The following UBR4 variants were observed in gnomAD, a reference collection of about 807,000 sequenced individuals.
The protein encoded by UBR4 is E3 ubiquitin-protein ligase UBR4.
Under a neutral mutation model 575.6 loss-of-function variants are expected in UBR4, and 124 were observed. The ratio of observed to expected loss-of-function variants is 0.22; its 90% CI spans 0.19 to 0.25. The LOEUF (loss-of-function observed/expected upper bound fraction) is 0.25, where lower values mean the gene tolerates loss of function less well. Ranked by LOEUF, UBR4 falls within the 10% of genes least tolerant of loss-of-function variation. The pLI is 1.00. For missense variants in UBR4, 4,818 were observed against 6,478.8 expected, an observed-to-expected ratio of 0.74 and a Z score of 8.80; for synonymous variants, 2,455 against 2,473.7, an observed-to-expected ratio of 0.99 and a Z score of 0.22.
rs1345810251 is a variant in UBR4, at chr1:19,169,587, A to G, written c.3644-55T>C. The stretch of plus-strand genomic sequence containing the variant: ...TCACAAGAAAGAAGGAACGACACAG[A>G]GCATTTTAAAAGCCAAGCCCAAATG... On this transcript the variant is annotated intron_variant, in intron 26 of 105. Transcript: ENST00000375254. The G allele has an allele frequency of 1.1e-5, 17 of 1,512,316 alleles. No homozygotes were observed. In the Admixed American group the frequency reaches 2.0e-4, roughly 17 times the overall value. 93.7% of individuals were successfully genotyped at this position (1,512,316 alleles called of 1,614,324 possible).
At chr1:19,191,967 G>A (rs2092119308) in intron 11 of UBR4, among the ~76,000 whole-genome samples, 3 of 152,108 alleles carry the variant, frequency 2.0e-5, no homozygotes, top group Non-Finnish European at 4.4e-5. Context: ...TTTCCCCTTT[G>A]ACAGATGAGG....
intron 60 of UBR4, among the ~76,000 whole-genome samples, chr1:19,134,081 G>C (rs2082883566): frequency 1.1e-5 from 1 of 89,778 alleles, no homozygotes; most frequent in South Asian, 4.4e-4. Flanking sequence ...GTGAGACTCT[G>C]TCTCTAAAAA....
At chr1:19,179,669 C>T (rs74056777) in intron 17 of UBR4, among the ~76,000 whole-genome samples, 8 of 152,300 alleles carry the variant, frequency 5.3e-5, no homozygotes, top group African/African-American at 1.7e-4. Flanking sequence ...CCGCAGTATT[C>T]GCAGAGAAAT....
At chr1:19,124,966 T>C (rs1223865316) in intron 64 of UBR4, among the ~76,000 whole-genome samples, 1 of 152,092 alleles carries the variant, frequency 6.6e-6, no homozygotes, top group Non-Finnish European at 1.5e-5. Context: ...TTGGGTTGAT[T>C]GTACTCTGCC....
chr1:19,097,103 G>C, intron 91 of UBR4, 90 bp downstream of exon 91: 2 of 1,065,710 alleles, frequency 1.9e-6, no homozygotes, highest in Non-Finnish European at 2.6e-6. Flanking sequence ...AGGTACAAGA[G>C]AGAAGCAACT....
chr1:19,143,720 G>A (rs1241908027), intron 55 of UBR4, among the ~76,000 whole-genome samples: 1 of 152,198 alleles, frequency 6.6e-6, no homozygotes, highest in East Asian at 1.9e-4. Context: ...CCTTTGTGAT[G>A]TGAATTTTCT....
At chr1:19,077,509 G>A (rs977036392) in intron 104 of UBR4, among the ~76,000 whole-genome samples, 6 of 152,158 alleles carry the variant, frequency 3.9e-5, no homozygotes, top group African/African-American at 9.7e-5. Flanking sequence ...CAAGGCAGGC[G>A]GATCACCTGA....
At chr1:19,123,089 A>G in intron 65 of UBR4, 29 bp from the exon 66 acceptor site, 1 of 1,608,734 alleles carries the variant, frequency 6.2e-7, no homozygotes. Flanking sequence ...ACAAAGAGTA[A>G]ATGACTCTGG....
At chr1:19,123,768 AT>A (rs1390450270) in intron 65 of UBR4, among the ~76,000 whole-genome samples, 1 of 152,210 alleles carries the variant, frequency 6.6e-6, no homozygotes. Context: ...CAAAATCCTC[AT>A]CTGAGGTTTG....
At chr1:19,178,461 T>C (rs971306450) in intron 18 of UBR4, among the ~76,000 whole-genome samples, 3 of 152,192 alleles carry the variant, frequency 2.0e-5, no homozygotes, top group African/African-American at 7.2e-5. Flanking sequence ...AGGAAAAATA[T>C]AGCGGGTCTT....
rs193165297 is a variant in UBR4 at position 19,162,666 on chromosome 1, C to A, written c.4765-55G>T. ...ATTCTCCATGTTTCATTATGTAAAC[C>A]ATGTTTTCTCAAGCTTTTTCAAATA... On this transcript the variant is annotated intron_variant, in intron 34 of 105. Transcript: ENST00000375254. 23 of 1,527,718 alleles carry A rather than the reference C, an allele frequency of 1.5e-5. No homozygotes were observed. The East Asian group carries it at 4.4e-4, about 29-fold the overall frequency. 94.6% of individuals were successfully genotyped at this position (1,527,718 alleles called of 1,614,324 possible). A position where few individuals can be genotyped will look rare whatever the true frequency, so the allele number is the denominator to read the frequency against.
Position 19,117,117 on chromosome 1 carries a change from G to T in UBR4, c.10823+104C>A. 8.0e-7 allele frequency: 1 copy of T among 1,255,920 alleles called. No individual in the cohort carries two copies. Among genetic ancestry groups the T allele is most frequent in the Non-Finnish European group, 1.1e-6 (1 of 882,006 alleles). 77.8% of individuals were successfully genotyped at this position (1,255,920 alleles called of 1,614,324 possible). A position where few individuals can be genotyped will look rare whatever the true frequency, so the allele number is the denominator to read the frequency against. On this transcript the variant is annotated intron_variant, in intron 73 of 105. Transcript: ENST00000375254. This position sits in a 1 kb window ranked among gnomAD's most constrained non-coding sequence, Gnocchi z 4.0. ...TGGAGGGGCCAAGAGGATGTATTAG[G>T]CCTCTAGGGATGTGCTGCCTTACTC...
In UBR4 at chr1:19,139,040, A is replaced by G; in HGVS notation, c.8731+43T>C. ...AAGCAGAGATTCCTGTTTTGTCCCC[A>G]CCCTCTGCCCAAGGAGACAGGACCC... On this transcript the variant is annotated intron_variant, in intron 59 of 105. Coordinates refer to ENST00000375254, the MANE Select transcript of UBR4 (RefSeq NM_020765.3). This position sits in a 1 kb window ranked among gnomAD's most constrained non-coding sequence, Gnocchi z 4.2. The G allele has an allele frequency of 6.4e-7, 1 of 1,554,722 alleles. No individual in the cohort carries two copies. The highest frequency in any genetic ancestry group is 8.7e-7 in the Non-Finnish European group (1 of 1,145,730).
intron 52 of UBR4, chr1:19,146,276 TAGTATTAAAAGG>T (rs1228629344): frequency 4.5e-6 from 2 of 444,476 alleles, no homozygotes; most frequent in East Asian, 1.3e-4. Context: ...TCTGGGATTG[TAGTATTAAAAGG>T]AGGAACAGAA....
At chr1:19,200,007 T>C (rs939474681) in intron 2 of UBR4, among the ~76,000 whole-genome samples, 12 of 152,340 alleles carry the variant, frequency 7.9e-5, no homozygotes, top group African/African-American at 2.4e-4. Context: ...ACTTCAAAGG[T>C]ATTAACTCAT....
intron 8 of UBR4, 87 bp downstream of exon 8, chr1:19,197,054 T>C: frequency 1.3e-6 from 2 of 1,491,892 alleles, no homozygotes; most frequent in Non-Finnish European, 1.8e-6. Flanking sequence ...GGGGGATGAG[T>C]AGAGTATTCA....
intron 25 of UBR4, 109 bp from the exon 26 acceptor site, chr1:19,170,992 T>C: frequency 6.8e-7 from 1 of 1,480,314 alleles, no homozygotes; most frequent in South Asian, 1.2e-5. Flanking sequence ...TCCTATCTAT[T>C]TAATGTAGTT....
rs886558262 is a variant in UBR4, at chr1:19,187,429, T to C, written c.1494+12A>G. On this transcript the variant is annotated intron_variant, in intron 12 of 105. Coordinates refer to ENST00000375254, the MANE Select transcript of UBR4 (RefSeq NM_020765.3). ...ATCAATATGCTGATTACCATGGGGA[T>C]AACCTCCTCACCTTGTGAAGGGCCT... The C allele has an allele frequency of 1.7e-5, 28 of 1,614,012 alleles. No homozygotes were observed. The highest frequency in any genetic ancestry group is 2.4e-5 in the Non-Finnish European group (28 of 1,179,908).
In UBR4 at chr1:19,087,797, GT is replaced by G; in HGVS notation, c.14544+18del. 1 of 1,597,258 alleles carries G rather than the reference GT, an allele frequency of 6.3e-7. No homozygotes were observed. On this transcript the variant is annotated intron_variant, in intron 99 of 105. Transcript: ENST00000375254. ...TCAGGCTGGGCCCTCAGGACCGACC[GT>G]AGGCCCAGCAGCTGTACCTGGAACT... is the stretch of plus-strand genomic sequence containing the variant.
Sources: allele counts gnomAD v4.1 joint callset (sites outside exome capture counted in the v4.1 genomes callset), GRCh38; gene constraint gnomAD v4.1.1; non-coding constraint Gnocchi (gnomAD v3.1); transcripts MANE v1.5; gene names NCBI Gene and HGNC (gene_info 2026-07-23, HGNC 2026-07-21).